The following HHLA2 variants were observed in gnomAD, a reference collection of about 807,000 sequenced individuals.
The protein encoded by HHLA2 is HERV-H LTR-associating protein 2.
In HHLA2, 48 loss-of-function variants were observed where a neutral mutation model predicts 45.9. The observed-to-expected ratio is 1.05, with a 90% CI of 0.83 to 1.33. HHLA2 has a LOEUF of 1.33. HHLA2 is among the 40% of genes most tolerant of loss of function. HHLA2 has a pLI of 0.00. For missense variants in HHLA2, 462 were observed against 494.3 expected, an observed-to-expected ratio of 0.93 and a Z score of 0.62; for synonymous variants, 161 against 173.9, an observed-to-expected ratio of 0.93 and a Z score of 0.59.
intron 2 of HHLA2, chr3:108,326,771 TTCTGCAGCTGTTCAGGCTTTTTAGGAGAC>T (rs1459071371): frequency 6.6e-6 from 1 of 152,468 alleles, no homozygotes; most frequent in Non-Finnish European, 1.5e-5. Flanking sequence ...GATGAAAAGC[TTCTGCAGCTGTTCAGGCTTTTTAGGAGAC>T]TCTGACTTAG....
chr3:108,327,837 C>A (rs1172354610), intron 2 of HHLA2, among the ~76,000 whole-genome samples: 1 of 152,012 alleles, frequency 6.6e-6, no homozygotes, highest in Non-Finnish European at 1.5e-5. Context: ...ATTGTATTTG[C>A]AAAAATGTTG....
At chr3:108,354,549 T>C (rs908387955) in intron 5 of HHLA2, among the ~76,000 whole-genome samples, 15 of 152,152 alleles carry the variant, frequency 9.9e-5, no homozygotes, top group Non-Finnish European at 1.9e-4. Context: ...TGATCATTTA[T>C]ATGCAATATA....
chr3:108,313,898 C>T (rs902109788), intron 2 of HHLA2, among the ~76,000 whole-genome samples: 1 of 152,204 alleles, frequency 6.6e-6, no homozygotes, highest in Non-Finnish European at 1.5e-5. Context: ...ATACATCTTT[C>T]AGGGTTATGA....
rs2081226226 is a variant in HHLA2, at chr3:108,322,786, C to T, written c.-104-5484C>T. 2.0e-5 allele frequency among the ~76,000 whole-genome samples: 3 copies of T among 152,312 alleles called. No homozygotes were observed. In the South Asian group the frequency reaches 6.2e-4, roughly 32 times the overall value. On this transcript the variant is annotated intron_variant, in intron 2 of 10. Transcript: ENST00000619531. The stretch of plus-strand genomic sequence containing the variant: ...GGCGTCATCAGTCAGGACGTCTCAC[C>T]TATTAATTGGGAGGGGTTCATCCCA...
intron 3 of HHLA2, among the ~76,000 whole-genome samples, chr3:108,342,251 CT>C (rs1344933583): frequency 8.4e-6 from 1 of 119,242 alleles, no homozygotes; most frequent in African/African-American, 3.2e-5. Context: ...CCTTTTTCTT[CT>C]TTCTCTCTTT....
exon 7 of HHLA2, chr3:108,357,991 C>T: frequency 6.2e-7 from 1 of 1,613,778 alleles, no homozygotes; most frequent in Non-Finnish European, 8.5e-7. Context: ...CTGAGCTCCT[C>T]ACAAAATACA....
intron 2 of HHLA2, among the ~76,000 whole-genome samples, chr3:108,320,252 T>C (rs2081176675): frequency 6.6e-6 from 1 of 152,234 alleles, no homozygotes; most frequent in South Asian, 2.1e-4. Flanking sequence ...AATTTACACT[T>C]GAACCATTTC....
chr3:108,299,964 A>G (rs986673284), intron 1 of HHLA2, among the ~76,000 whole-genome samples: 1 of 152,280 alleles, frequency 6.6e-6, no homozygotes, highest in Non-Finnish European at 1.5e-5. Context: ...CAGTGTGGCG[A>G]GAAGACGGGA....
intron 2 of HHLA2, among the ~76,000 whole-genome samples, chr3:108,323,912 T>A (rs897737799): frequency 1.3e-5 from 2 of 152,210 alleles, no homozygotes; most frequent in African/African-American, 2.4e-5. Context: ...GGTATCCATT[T>A]AAAATAAAAG....
chr3:108,321,675 T>G (rs779138688), intron 2 of HHLA2, among the ~76,000 whole-genome samples: 9 of 152,172 alleles, frequency 5.9e-5, no homozygotes, highest in Non-Finnish European at 1.2e-4. Context: ...AAGCTTTTTT[T>G]CAGTAATAGC....
intron 3 of HHLA2, among the ~76,000 whole-genome samples, chr3:108,344,333 A>T (rs952708414): frequency 5.9e-5 from 9 of 152,162 alleles, no homozygotes; most frequent in Non-Finnish European, 2.9e-5. Flanking sequence ...AGGCTCTACA[A>T]TTGGCTTTGA....
intron 3 of HHLA2, among the ~76,000 whole-genome samples, chr3:108,345,869 TG>T (rs34440521): frequency 6.7e-6 from 1 of 150,094 alleles, no homozygotes; most frequent in African/African-American, 2.5e-5. Flanking sequence ...CTTTAACCAC[TG>T]GGGGGCAACT....
At chr3:108,334,814 G>T (rs1046264020) in intron 3 of HHLA2, among the ~76,000 whole-genome samples, 1 of 152,180 alleles carries the variant, frequency 6.6e-6, no homozygotes, top group Non-Finnish European at 1.5e-5. Flanking sequence ...GATCCCAGGG[G>T]TGAGGTCACC....
intron 3 of HHLA2, among the ~76,000 whole-genome samples, chr3:108,343,487 G>T (rs1191122775): frequency 6.6e-6 from 1 of 152,170 alleles, no homozygotes; most frequent in Non-Finnish European, 1.5e-5. Context: ...GATGTACATA[G>T]GTGCAAGTAC....
intron 1 of HHLA2, among the ~76,000 whole-genome samples, chr3:108,297,212 TTTGGGA>T (rs1560172116): frequency 6.6e-6 from 1 of 152,208 alleles, no homozygotes; most frequent in African/African-American, 2.4e-5. Flanking sequence ...GTTTCTATTG[TTTGGGA>T]CTTTGGATAA....
intron 3 of HHLA2, among the ~76,000 whole-genome samples, chr3:108,330,536 C>G (rs905814491): frequency 6.6e-6 from 1 of 152,130 alleles, no homozygotes; most frequent in Non-Finnish European, 1.5e-5. Flanking sequence ...TGGCCCTGAC[C>G]AAGTCCAGTG....
intron 2 of HHLA2, among the ~76,000 whole-genome samples, chr3:108,321,518 C>A (rs1296820000): frequency 6.6e-6 from 1 of 152,164 alleles, no homozygotes; most frequent in Non-Finnish European, 1.5e-5. Context: ...CATGCTGTTG[C>A]AAAGTCTGAA....
intron 3 of HHLA2, among the ~76,000 whole-genome samples, chr3:108,340,882 G>A (rs1473704120): frequency 1.5e-5 from 2 of 131,074 alleles, no homozygotes; most frequent in South Asian, 5.0e-4. Context: ...GAGTAAAATA[G>A]CCAAACTCTT....
At chr3:108,330,433 G>A (rs551662469) in intron 3 of HHLA2, among the ~76,000 whole-genome samples, 8 of 152,208 alleles carry the variant, frequency 5.3e-5, no homozygotes, top group Middle Eastern at 6.8e-3. Flanking sequence ...GCTTTAATAC[G>A]GTTACCTTTC....
Sources: gnomAD v4.1 joint callset for allele counts (sites outside exome capture counted in the v4.1 genomes callset) on GRCh38, gnomAD v4.1.1 for gene constraint, MANE v1.5 for transcripts, NCBI Gene and HGNC (gene_info 2026-07-23, HGNC 2026-07-21) for gene names.